Variants in DYNC2H1 observed in about 807,000 individuals in gnomAD.
The protein encoded by DYNC2H1 is dynein cytoplasmic 2 heavy chain 1, also known as cytoplasmic dynein 2 heavy chain 1.
A neutral mutation model predicts 570.0 loss-of-function variants in DYNC2H1; 410 were observed. The ratio of observed to expected loss-of-function variants is 0.72; its 90% confidence interval spans 0.66 to 0.78. The LOEUF (loss-of-function observed/expected upper bound fraction) is 0.78. Ranked by LOEUF, DYNC2H1 falls within the 30% of genes least tolerant of loss-of-function variation. The probability of loss-of-function intolerance (pLI) is 0.00; values close to 1 mark genes in which losing one functional copy is unlikely to be tolerated. For synonymous variants in DYNC2H1, 1,688 were observed against 1,677.6 expected (o/e 1.01, Z -0.15); for missense variants, 4,865 against 5,046.4 (o/e 0.96, Z 1.09).
intron 29 of DYNC2H1, among the ~76,000 whole-genome samples, chr11:103,161,371 A>G (rs1861085534): frequency 6.6e-6 from 1 of 152,094 alleles, no homozygotes; most frequent in African/African-American, 2.4e-5. Context: ...GTAAAATGGT[A>G]ATCTCAGTAC....
In DYNC2H1 at chr11:103,143,388, C is replaced by T. The variant is rs758779640; in HGVS notation, c.2695C>T (p.Leu899Phe). Residue 899 changes from leucine (L) to phenylalanine (F), a missense_variant, in exon 18 of 89, where the codon CTT (leucine) becomes TTT (phenylalanine). Coordinates refer to ENST00000375735, the MANE Select transcript of DYNC2H1 (RefSeq NM_001377.3). ...LKIKGKEVER[L>F]PSAVKVDCLN... ...AATAAAGGGGAAAGAAGTAGAACGA[C>T]TTCCAAGGTATTGGAGGTTAATGTA... is the stretch of plus-strand genomic sequence containing the variant. 1 of 1,609,568 alleles carries T rather than the reference C, an allele frequency of 6.2e-7. No homozygotes were observed. Among genetic ancestry groups the T allele is most frequent in the Non-Finnish European group, 8.5e-7 (1 of 1,178,198 alleles).
In DYNC2H1 at chr11:103,192,240, T is replaced by A. The variant is rs2135053447; in HGVS notation, c.7684T>A (p.Ser2562Thr). 1 of 1,572,900 alleles carries A rather than the reference T, an allele frequency of 6.4e-7. No homozygotes were observed. The highest frequency in any genetic ancestry group is 2.3e-5 in the East Asian group (1 of 44,304). The change falls in exon 47 of 89, where the codon TCA (serine) becomes ACA (threonine). Residue 2562 changes from serine (S) to threonine (T), a missense_variant. Around this residue, in one of 5 missense-constraint regions of DYNC2H1, gnomAD observed 2,401 missense variants for 2,454.6 expected, o/e 0.98. Coordinates refer to ENST00000375735, the MANE Select transcript of DYNC2H1 (RefSeq NM_001377.3). ...LTSVFQGDWG[S>T]DILDNMSDSF... is the part of the protein sequence containing the mutation. ...ATCAGTGTTTCAAGGAGATTGGGGC[T>A]CAGACATATTAGACAATATGTCAGG...
At chr11:103,119,332 A>G (rs1858575001) in intron 6 of DYNC2H1, among the ~76,000 whole-genome samples, 1 of 151,774 alleles carries the variant, frequency 6.6e-6, no homozygotes, top group African/African-American at 2.4e-5. Flanking sequence ...ACATGACTTC[A>G]GTGTTTCTTT....
chr11:103,393,447 A>G (rs1942258202), intron 83 of DYNC2H1, among the ~76,000 whole-genome samples: 1 of 152,328 alleles, frequency 6.6e-6, no homozygotes, highest in South Asian at 2.1e-4. Flanking sequence ...AATTTTTATT[A>G]ATGTGCCATC....
Position 103,189,077 on chromosome 11 carries a change from G to A in DYNC2H1, c.7292+429G>A, listed in dbSNP as rs1591381093. Among the ~76,000 whole-genome samples the A allele has an allele frequency of 1.3e-5, 2 of 151,798 alleles. No individual in the cohort carries two copies. The highest frequency in any genetic ancestry group is 2.4e-5 in the African/African-American group (1 of 41,322). ...TGGCATCAATGCTAATCATCTCCAC[G>A]GGCCATAATTACAGAGACTATGGCA... On this transcript the variant is annotated intron_variant, in intron 44 of 88. Coordinates refer to ENST00000375735, the MANE Select transcript of DYNC2H1 (RefSeq NM_001377.3). This position sits in a 1 kb window ranked among gnomAD's most constrained non-coding sequence, Gnocchi z 4.3.
At chr11:103,350,454 A>G (rs776614055) in intron 82 of DYNC2H1, among the ~76,000 whole-genome samples, 8 of 152,116 alleles carry the variant, frequency 5.3e-5, no homozygotes, top group Non-Finnish European at 8.8e-5. Context: ...TTGAATAAAC[A>G]TAGAGCTAGT....
chr11:103,369,404 A>G lies in DYNC2H1; in HGVS notation c.12156+11045A>G, dbSNP rs973221274. On this transcript the variant is annotated intron_variant, in intron 83 of 88. Transcript: ENST00000375735. The surrounding 1 kb of genome is among the most constrained non-coding windows in gnomAD (Gnocchi z 4.0). Reference sequence around the variant, plus strand: ...CCAGGCCACAAGGATTTCAATTCCTATGTGAGTAATGCTGCTGAACTAGGC... The same window carrying G: ...CCAGGCCACAAGGATTTCAATTCCTGTGTGAGTAATGCTGCTGAACTAGGC... 1.3e-5 allele frequency among the ~76,000 whole-genome samples: 2 copies of G among 152,164 alleles called. No individual in the cohort carries two copies. The highest frequency in any genetic ancestry group is 2.4e-5 in the African/African-American group (1 of 41,448).
At chr11:103,458,586 G>A (rs1808898268) in intron 87 of DYNC2H1, among the ~76,000 whole-genome samples, 1 of 151,830 alleles carries the variant, frequency 6.6e-6, no homozygotes, top group Non-Finnish European at 1.5e-5. Flanking sequence ...TAATTTGTGA[G>A]TACATTAGTT....
chr11:103,190,453 G>A (rs976330716), intron 45 of DYNC2H1, among the ~76,000 whole-genome samples: 1 of 152,180 alleles, frequency 6.6e-6, no homozygotes, highest in Non-Finnish European at 1.5e-5. Flanking sequence ...AGATAGCACA[G>A]AGGAGGAGTA....
At chr11:103,140,446 T>G (rs991169286) in intron 17 of DYNC2H1, among the ~76,000 whole-genome samples, 2 of 152,106 alleles carry the variant, frequency 1.3e-5, no homozygotes, top group Non-Finnish European at 2.9e-5. Context: ...GTCTGTAAAG[T>G]ATTTTATTTC....
At chr11:103,248,260 A>G (rs1272287720) in intron 65 of DYNC2H1, among the ~76,000 whole-genome samples, 2 of 152,018 alleles carry the variant, frequency 1.3e-5, no homozygotes, top group East Asian at 3.9e-4. Flanking sequence ...ATGCAATACA[A>G]TGTGAAAAGT....
chr11:103,286,228 CTG>C, intron 73 of DYNC2H1, 25 bp from the exon 74 acceptor site: 1 of 1,606,270 alleles, frequency 6.2e-7, no homozygotes, highest in Admixed American at 1.7e-5. Flanking sequence ...TTATAGCTCA[CTG>C]TATATGGCCA....
rs546749208 is a variant in DYNC2H1, at chr11:103,170,932, A to G, written c.5198A>G (p.Lys1733Arg). ...SMGRIFVGLV[K>R]CGAWGCFDEF... ...GGACGAATATTTGTTGGTTTGGTGA[A>G]GTGTGGGGCCTGGGGTTGTTTTGAT... The change falls in exon 34 of 89, where the codon AAG becomes AGG. Residue 1733 changes from lysine (K) to arginine (R), a missense_variant. Transcript: ENST00000375735. The surrounding 1 kb of genome is among the most constrained non-coding windows in gnomAD (Gnocchi z 4.8). 1.9e-6 allele frequency: 3 copies of G among 1,597,588 alleles called. No homozygotes were observed. The highest frequency in any genetic ancestry group is 2.7e-5 in the African/African-American group (2 of 74,800).
intron 82 of DYNC2H1, among the ~76,000 whole-genome samples, chr11:103,339,669 A>G (rs11225728): frequency 0.22 from 33,007 of 152,144 alleles, 3,713 homozygotes; most frequent in Admixed American, 0.31. Flanking sequence ...GTCATCGCTG[A>G]AGCCAGTGTC....
rs1864508204 is a variant in DYNC2H1 at position 103,243,766 on chromosome 11, C to CA, written c.9894dup (p.Arg3299ThrfsTer10). On this transcript the variant is annotated frameshift_variant, in exon 64 of 89. Transcript: ENST00000375735. LOFTEE classifies it high-confidence loss of function. This position sits in a 1 kb window ranked among gnomAD's most constrained non-coding sequence, Gnocchi z 4.8. ...TGGTTAAAAACACATTTGAAAGACT[C>CA]ACGTTTAGAAGTTATCAATCAGCAG... The CA allele has an allele frequency of 6.3e-7, 1 of 1,598,060 alleles. No individual in the cohort carries two copies. Among genetic ancestry groups the CA allele is most frequent in the South Asian group, 1.1e-5 (1 of 88,408 alleles).
At chr11:103,121,578 A>G in intron 10 of DYNC2H1, 82 bp downstream of exon 10, 2 of 1,399,992 alleles carry the variant, frequency 1.4e-6, no homozygotes, top group South Asian at 1.5e-5. Context: ...CTAGAGCTGT[A>G]GTAAATATAT....
At position 103,243,697 on chromosome 11, in the gene DYNC2H1, G is replaced by A. The variant is rs372180872; in HGVS notation, c.9824G>A (p.Arg3275Gln). The change falls in exon 64 of 89, where the codon CGA (arginine) becomes CAA (glutamine). Residue 3275 changes from arginine to glutamine, a missense_variant. Transcript: ENST00000375735. The surrounding 1 kb of genome is among the most constrained non-coding windows in gnomAD (Gnocchi z 4.8). ...IENALVILQS[R>Q]VCPFLIDPSS... The stretch of plus-strand genomic sequence containing the variant: ...TTTTCCTTTTTTTTATACTAGAGTC[G>A]AGTGTGCCCATTTCTTATAGATCCT... 11 of 1,597,394 alleles carry A rather than the reference G, an allele frequency of 6.9e-6. No individual in the cohort carries two copies. Among genetic ancestry groups the A allele is most frequent in the Non-Finnish European group, 9.4e-6 (11 of 1,170,580 alleles).
Position 103,472,548 on chromosome 11 carries a change from A to G in DYNC2H1, c.12765+3843A>G, listed in dbSNP as rs182641003. ...ATGAGTTTGGTACAGCAAATTTTCT[A>G]TTTTTCTGATGAAAGGACTGAGAAT... On this transcript the variant is annotated intron_variant, in intron 88 of 88. Transcript: ENST00000375735. This position sits in a 1 kb window ranked among gnomAD's most constrained non-coding sequence, Gnocchi z 4.1. Among the ~76,000 whole-genome samples the G allele has an allele frequency of 2.6e-5, 4 of 152,078 alleles. No homozygotes were observed. The highest frequency in any genetic ancestry group is 1.9e-4 in the East Asian group (1 of 5,176).
At chr11:103,193,794 C>G (rs1033048608) in intron 47 of DYNC2H1, among the ~76,000 whole-genome samples, 2 of 152,044 alleles carry the variant, frequency 1.3e-5, no homozygotes, top group Non-Finnish European at 2.9e-5. Context: ...GTGATCTGCC[C>G]GCCTTGGCCT....
Sources: allele counts gnomAD v4.1 joint callset (sites outside exome capture counted in the v4.1 genomes callset), GRCh38; gene constraint gnomAD v4.1.1; regional missense constraint gnomAD v4.1.1; non-coding constraint Gnocchi (gnomAD v3.1); transcripts MANE v1.5; gene names NCBI Gene and HGNC (gene_info 2026-07-23, HGNC 2026-07-21).